Variants in RGS22 observed in about 807,000 individuals in gnomAD.
The protein encoded by RGS22 is regulator of G protein signaling 22.
A neutral mutation model predicts 172.9 loss-of-function variants in RGS22; 148 were observed. The observed-to-expected ratio is 0.86, with a 90% CI of 0.75 to 0.98. The LOEUF is 0.98. Among genes scored for constraint, RGS22 ranks in the 50% least tolerant of loss-of-function variants. The pLI, the probability that RGS22 is intolerant of heterozygous loss-of-function variation, is 0.00. For missense variants in RGS22, 1,347 were observed against 1,440.8 expected (o/e 0.93, Z 1.05); for synonymous variants, 458 against 480.2 (o/e 0.95, Z 0.60).
intron 3 of RGS22, among the ~76,000 whole-genome samples, chr8:100,084,079 C>T (rs1439039543): frequency 2.0e-5 from 3 of 152,026 alleles, no homozygotes; most frequent in African/African-American, 7.3e-5. Flanking sequence ...CCTCATGATC[C>T]GTCCACCTTG....
intron 19 of RGS22, 99 bp from the exon 20 acceptor site, chr8:99,996,629 T>C (rs1814422734): frequency 2.0e-6 from 2 of 1,001,544 alleles, no homozygotes; most frequent in Non-Finnish European, 3.0e-6. Context: ...AAGGTTAACT[T>C]GGACAAGAGA....
At chr8:100,042,241 T>C (rs1451242241) in intron 11 of RGS22, among the ~76,000 whole-genome samples, 3 of 152,152 alleles carry the variant, frequency 2.0e-5, no homozygotes, top group Non-Finnish European at 2.9e-5. Context: ...ATATTAGTAA[T>C]TTTAAAATAA....
intron 10 of RGS22, among the ~76,000 whole-genome samples, chr8:100,047,963 G>T (rs574398773): frequency 0.057 from 1,118 of 19,784 alleles, 4 homozygotes; most frequent in Middle Eastern, 0.12. Flanking sequence ...TGTGTGTACT[G>T]GGGGGGGGTG....
intron 9 of RGS22, among the ~76,000 whole-genome samples, chr8:100,053,319 G>T (rs1182568537): frequency 2.0e-5 from 3 of 152,044 alleles, no homozygotes; most frequent in Admixed American, 2.0e-4. Context: ...CTACTCAGGG[G>T]GGTGAGGCAG....
chr8:100,098,881 ATTTTATTTTATTTTAT>A (rs1813225933), intron 2 of RGS22, among the ~76,000 whole-genome samples: 3 of 30,750 alleles, frequency 9.8e-5, no homozygotes, highest in Admixed American at 8.1e-4. Flanking sequence ...ATTTTATTTT[ATTTTATTTTATTTTAT>A]TTTATTTTAT....
Position 99,987,609 on chromosome 8 carries a change from C to T in RGS22, c.3029G>A (p.Ser1010Asn). 2 of 1,603,350 alleles carry T rather than the reference C, an allele frequency of 1.2e-6. No homozygotes were observed. Among genetic ancestry groups the T allele is most frequent in the Non-Finnish European group, 1.7e-6 (2 of 1,174,996 alleles). ...TTTACAAGATGAAGAGATCCACTTA[C>T]TCTCCACAGGCTGTCCAAAGCAGAG... ...KKIGVWKPVE[S>N]KWISSSCKII... Residue 1010 changes from serine to asparagine, a missense_variant, in exon 21 of 28, where the codon AGT becomes AAT. Ser to Asn is a conservative substitution (Grantham distance 46). Coordinates refer to ENST00000360863, the MANE Select transcript of RGS22 (RefSeq NM_015668.5).
chr8:99,981,845 A>T (rs886677509), intron 22 of RGS22, 92 bp downstream of exon 22: 16 of 1,164,518 alleles, frequency 1.4e-5, no homozygotes, highest in Non-Finnish European at 1.9e-5. Context: ...TACAGGCGTG[A>T]GCCACCACGC....
rs552975659 is a variant in RGS22 at position 99,999,168 on chromosome 8, A to T, written c.2949+94T>A. The T allele has an allele frequency of 4.3e-5, 51 of 1,185,168 alleles. No individual in the cohort carries two copies. The African/African-American group carries it at 7.2e-4, about 17-fold the overall frequency. 73.4% of individuals were successfully genotyped at this position (1,185,168 alleles called of 1,614,324 possible). ...AGAGAGCCCATTCCTTAAAAAAAAAAAAAAAGGACAATGGCTGGGTCACCA... is the reference window on the plus strand; with the variant it reads ...AGAGAGCCCATTCCTTAAAAAAAAATAAAAAGGACAATGGCTGGGTCACCA... On this transcript the variant is annotated intron_variant, in intron 19 of 27. Coordinates refer to ENST00000360863, the MANE Select transcript of RGS22 (RefSeq NM_015668.5).
chr8:100,037,033 A>G (rs1410058261), intron 14 of RGS22, among the ~76,000 whole-genome samples: 1 of 152,246 alleles, frequency 6.6e-6, no homozygotes, highest in African/African-American at 2.4e-5. Context: ...TTCATACCAT[A>G]AAATGAATCT....
intron 19 of RGS22, 140 bp downstream of exon 19, chr8:99,999,122 G>A (rs926594468): frequency 2.9e-6 from 2 of 691,876 alleles, no homozygotes; most frequent in Non-Finnish European, 4.7e-6. Flanking sequence ...TCACACCACT[G>A]CACTTCAGAC....
intron 21 of RGS22, among the ~76,000 whole-genome samples, chr8:99,982,874 C>T (rs537641653): frequency 3.3e-5 from 5 of 152,240 alleles, no homozygotes; most frequent in South Asian, 4.1e-4. Flanking sequence ...GGGAATATTA[C>T]GTGATGCTGA....
intron 2 of RGS22, among the ~76,000 whole-genome samples, chr8:100,101,290 C>CTT (rs112881114): frequency 2.1e-5 from 3 of 140,952 alleles, no homozygotes; most frequent in East Asian, 2.1e-4. Context: ...TCCTAAATTT[C>CTT]TTTTTTTTTT....
At chr8:100,094,805 C>T (rs1378861482) in intron 2 of RGS22, among the ~76,000 whole-genome samples, 3 of 152,166 alleles carry the variant, frequency 2.0e-5, no homozygotes, top group Non-Finnish European at 2.9e-5. Flanking sequence ...ATTTAGTGGA[C>T]TATCTAGTTT....
At chr8:100,051,693 T>A (rs111215989) in intron 10 of RGS22, among the ~76,000 whole-genome samples, 2 of 12,534 alleles carry the variant, frequency 1.6e-4, no homozygotes, top group African/African-American at 6.8e-4. Context: ...ATATATATAT[T>A]TATATATACG....
At chr8:100,028,624 C>T (rs986250089) in intron 14 of RGS22, among the ~76,000 whole-genome samples, 3 of 152,088 alleles carry the variant, frequency 2.0e-5, no homozygotes, top group African/African-American at 4.8e-5. Flanking sequence ...GAAATGATTA[C>T]AAAATGTGCC....
Position 99,977,949 on chromosome 8 carries a change from A to ATT in RGS22, c.3485_3486dup (p.Leu1163AsnfsTer5). On this transcript the variant is annotated frameshift_variant, in exon 23 of 28. Coordinates refer to ENST00000360863, the MANE Select transcript of RGS22 (RefSeq NM_015668.5). LOFTEE classifies it high-confidence loss of function. ...GATTTTTCGTCTTCTAGGACTGCCA[A>ATT]TTTTTTTTTCTGCTTATTATATTCT... 1.9e-6 allele frequency: 3 copies of ATT among 1,548,868 alleles called. No individual in the cohort carries two copies. The highest frequency in any genetic ancestry group is 4.4e-5 in the Admixed American group (2 of 45,506).
chr8:100,088,648 A>G (rs1812334255), intron 3 of RGS22, among the ~76,000 whole-genome samples: 1 of 152,128 alleles, frequency 6.6e-6, no homozygotes, highest in Non-Finnish European at 1.5e-5. Context: ...AACTGTCCTG[A>G]ATTCCCCTCA....
intron 4 of RGS22, 27 bp from the exon 5 acceptor site, chr8:100,072,257 A>G (rs768003116): frequency 3.5e-6 from 5 of 1,420,194 alleles, no homozygotes; most frequent in Non-Finnish European, 3.9e-6. Context: ...AAAAAGAAAA[A>G]GAAGGTCAGA....
At chr8:100,101,620 T>G (rs947054380) in intron 2 of RGS22, among the ~76,000 whole-genome samples, 1 of 151,858 alleles carries the variant, frequency 6.6e-6, no homozygotes, top group African/African-American at 2.4e-5. Flanking sequence ...AATTTTGTAA[T>G]TCACTCTCAC....
Sources: gnomAD v4.1 joint callset for allele counts (sites outside exome capture counted in the v4.1 genomes callset) on GRCh38, gnomAD v4.1.1 for gene constraint, MANE v1.5 for transcripts, NCBI Gene and HGNC (gene_info 2026-07-23, HGNC 2026-07-21) for gene names.